GRID2: variants seen among roughly 807,000 people sequenced by gnomAD.
GRID2 encodes the protein glutamate receptor ionotropic, delta-2.
A neutral mutation model predicts 114.8 loss-of-function variants in GRID2; 33 were observed. The ratio of observed to expected loss-of-function variants is 0.29; its 90% CI spans 0.22 to 0.38. GRID2 has a LOEUF of 0.38. Among genes scored for constraint, GRID2 ranks in the 10% least tolerant of loss-of-function variants. GRID2 has a pLI of 1.00. For synonymous variants in GRID2, 505 were observed against 449.9 expected (o/e 1.12, Z -1.55); for missense variants, 1,184 against 1,257.7 (o/e 0.94, Z 0.89).
chr4:92,501,852 G>A (rs1176772277), intron 1 of GRID2, among the ~76,000 whole-genome samples: 1 of 152,146 alleles, frequency 6.6e-6, no homozygotes, highest in Non-Finnish European at 1.5e-5. Flanking sequence ...TTGAGATTGT[G>A]ACGAATATGA....
chr4:93,737,036 T>A (rs1308298820), intron 14 of GRID2, among the ~76,000 whole-genome samples: 1 of 152,010 alleles, frequency 6.6e-6, no homozygotes, highest in African/African-American at 2.4e-5. Flanking sequence ...TATCTTTGTA[T>A]CCTTAGGCAC....
chr4:92,439,373 C>T (rs971156664), intron 1 of GRID2, among the ~76,000 whole-genome samples: 1 of 152,098 alleles, frequency 6.6e-6, no homozygotes, highest in African/African-American at 2.4e-5. Flanking sequence ...ACAGGGGTTG[C>T]AATGGCTTGG....
At chr4:92,763,484 C>T (rs1738117409) in intron 2 of GRID2, among the ~76,000 whole-genome samples, 1 of 152,106 alleles carries the variant, frequency 6.6e-6, no homozygotes, top group Admixed American at 6.6e-5. Context: ...AAACAATACA[C>T]ATTTAAAAAT....
chr4:92,444,113 T>C lies in GRID2; in HGVS notation c.88+139369T>C, dbSNP rs565008326. On this transcript the variant is annotated intron_variant, in intron 1 of 15. Coordinates refer to ENST00000282020, the MANE Select transcript of GRID2 (RefSeq NM_001510.4). ...TGGTCAGTCTGAGGACCTGAGGTCATAGGTGGATCTTTCTCACGGAGCAAA... is the reference window on the plus strand; with the variant it reads ...TGGTCAGTCTGAGGACCTGAGGTCACAGGTGGATCTTTCTCACGGAGCAAA... Among the ~76,000 whole-genome samples the C allele has an allele frequency of 3.9e-5, 6 of 152,292 alleles. No individual in the cohort carries two copies. In the East Asian group the frequency reaches 9.7e-4, roughly 25 times the overall value.
chr4:92,832,683 C>T (rs1350984642), intron 2 of GRID2, among the ~76,000 whole-genome samples: 2 of 152,024 alleles, frequency 1.3e-5, no homozygotes, highest in Non-Finnish European at 1.5e-5. Context: ...GGTGAAGCAC[C>T]ACACCTGGCC....
At chr4:93,573,026 C>T (rs909844409) in intron 13 of GRID2, among the ~76,000 whole-genome samples, 2 of 152,030 alleles carry the variant, frequency 1.3e-5, no homozygotes, top group Non-Finnish European at 2.9e-5. Context: ...AGTTTTGTTC[C>T]CTGAAGTATA....
chr4:92,472,509 G>T (rs1722095873), intron 1 of GRID2, among the ~76,000 whole-genome samples: 1 of 152,142 alleles, frequency 6.6e-6, no homozygotes, highest in Admixed American at 6.6e-5. Flanking sequence ...GTTTCAAATT[G>T]TTTTAAATGA....
chr4:92,792,461 A>ACG (rs1479377001), intron 2 of GRID2, among the ~76,000 whole-genome samples: 4 of 39,210 alleles, frequency 1.0e-4, no homozygotes, highest in African/African-American at 3.8e-4. Flanking sequence ...AAGAGAACAC[A>ACG]CACACACACA....
intron 8 of GRID2, among the ~76,000 whole-genome samples, chr4:93,391,226 T>A (rs977544642): frequency 1.3e-5 from 2 of 152,204 alleles, no homozygotes; most frequent in African/African-American, 2.4e-5. Context: ...ACTGCATTCA[T>A]TCACATGTCA....
At chr4:92,578,048 TTC>T (rs1727982398) in intron 1 of GRID2, among the ~76,000 whole-genome samples, 2 of 18,466 alleles carry the variant, frequency 1.1e-4, no homozygotes, top group African/African-American at 3.6e-4. Flanking sequence ...TAGTTTCTTC[TTC>T]TTCTTCTTCT....
At chr4:92,570,414 G>C (rs62307855) in intron 1 of GRID2, among the ~76,000 whole-genome samples, 3 of 151,890 alleles carry the variant, frequency 2.0e-5, no homozygotes, top group Non-Finnish European at 4.4e-5. Flanking sequence ...TGTTCTTTTT[G>C]CTTAGGATTG....
intron 2 of GRID2, among the ~76,000 whole-genome samples, chr4:92,805,719 G>C (rs943413757): frequency 6.6e-6 from 1 of 151,888 alleles, no homozygotes; most frequent in African/African-American, 2.4e-5. Context: ...AATCACTTTA[G>C]CCAAGAAGTT....
intron 2 of GRID2, among the ~76,000 whole-genome samples, chr4:93,055,447 C>T (rs1016494081): frequency 1.3e-5 from 2 of 151,326 alleles, no homozygotes; most frequent in Non-Finnish European, 2.9e-5. Flanking sequence ...TGCAGTGCAC[C>T]AGCATGGCAC....
chr4:93,219,575 TAGAC>T (rs771224477), intron 6 of GRID2, among the ~76,000 whole-genome samples: 6 of 152,146 alleles, frequency 3.9e-5, no homozygotes, highest in South Asian at 2.1e-4. Flanking sequence ...TTAATATACA[TAGAC>T]AGAGAAGTAA....
At chr4:93,126,363 T>A (rs564513090) in intron 4 of GRID2, among the ~76,000 whole-genome samples, 11 of 152,180 alleles carry the variant, frequency 7.2e-5, no homozygotes, top group African/African-American at 2.6e-4. Context: ...GGCATAATAC[T>A]TTAGAGATAA....
At chr4:93,311,450 C>G (rs963880976) in intron 8 of GRID2, among the ~76,000 whole-genome samples, 6 of 152,118 alleles carry the variant, frequency 3.9e-5, no homozygotes, top group Non-Finnish European at 8.8e-5. Context: ...TAACTGCCAT[C>G]TCCACTTTAC....
chr4:92,585,991 T>A (rs537850259), intron 1 of GRID2, among the ~76,000 whole-genome samples: 7 of 151,736 alleles, frequency 4.6e-5, no homozygotes, highest in African/African-American at 1.7e-4. Context: ...ATTTAGGTAT[T>A]TTATTTTATA....
chr4:93,331,532 G>T (rs10002068), intron 8 of GRID2, among the ~76,000 whole-genome samples: 20,555 of 151,790 alleles, frequency 0.14, 2,557 homozygotes, highest in African/African-American at 0.33. Flanking sequence ...TATTTGTTAT[G>T]TGTATTATCT....
chr4:92,698,694 A>G (rs939965852), intron 2 of GRID2, among the ~76,000 whole-genome samples: 4 of 151,888 alleles, frequency 2.6e-5, no homozygotes, highest in Non-Finnish European at 5.9e-5. Context: ...AATAATTCAT[A>G]AATATATTAT....
Sources: allele counts gnomAD v4.1 joint callset (sites outside exome capture counted in the v4.1 genomes callset), GRCh38; gene constraint gnomAD v4.1.1; transcripts MANE v1.5; gene names NCBI Gene and HGNC (gene_info 2026-07-23, HGNC 2026-07-21).